Variants in ETV7 observed in about 807,000 individuals in gnomAD.
The protein encoded by ETV7 is transcription factor ETV7.
ETV7 carries 43 observed loss-of-function variants against 39.1 expected under a neutral mutation model. The ratio of observed to expected loss-of-function variants is 1.10; its 90% CI spans 0.86 to 1.42. The LOEUF (loss-of-function observed/expected upper bound fraction) is 1.42, where lower values mean the gene tolerates loss of function less well. Ranked by LOEUF, ETV7 falls within the 40% of genes most tolerant of loss-of-function variation. The pLI is 0.00. For synonymous variants in ETV7, 196 were observed against 176.6 expected (o/e 1.11, Z -0.87); for missense variants, 432 against 442.3 (o/e 0.98, Z 0.21).
intron 7 of ETV7, chr6:36,354,705 A>AT (rs1772293920): frequency 2.9e-6 from 2 of 690,642 alleles, no homozygotes; most frequent in Admixed American, 4.2e-5. Flanking sequence ...AAAAAAAAAA[A>AT]GCAGTTGGAA....
rs1489983172 is a variant in ETV7, at chr6:36,387,565, C to T, written c.-24G>A. On this transcript the variant is annotated 5_prime_UTR_variant, in exon 1 of 8. In the 5' UTR this introduces an upstream ATG that the reference lacks. Transcript: ENST00000340181. ...ATTACAGGTGGAGGTGAGGAAGCCA[C>T]CGGCTTTCTGTCTTGAGCGCTCCCC... 15 of 1,613,832 alleles carry T rather than the reference C, an allele frequency of 9.3e-6. No homozygotes were observed. Among genetic ancestry groups the T allele is most frequent in the East Asian group, 2.2e-5 (1 of 44,904 alleles).
At chr6:36,364,583 G>A (rs892353271), downstream of ETV7, among the ~76,000 whole-genome samples, 3 of 152,224 alleles carry the variant, frequency 2.0e-5, no homozygotes, top group South Asian at 4.1e-4. Context: ...CAAGCGCCGC[G>A]CACAGCCCCA....
At chr6:36,359,626 A>T (rs1256812636) in intron 7 of ETV7, among the ~76,000 whole-genome samples, 1 of 152,156 alleles carries the variant, frequency 6.6e-6, no homozygotes, top group Non-Finnish European at 1.5e-5. Flanking sequence ...ATTTTCCTTC[A>T]TAGTACATAT....
chr6:36,364,959 G>A (rs770228065), downstream of ETV7, among the ~76,000 whole-genome samples: 1 of 152,168 alleles, frequency 6.6e-6, no homozygotes, highest in African/African-American at 2.4e-5. Context: ...TCCCAGATAG[G>A]ACTAAGCCTG....
downstream of ETV7, among the ~76,000 whole-genome samples, chr6:36,363,537 A>C (rs1772602201): frequency 6.6e-6 from 1 of 152,242 alleles, no homozygotes; most frequent in African/African-American, 2.4e-5. Context: ...CTTCGCACTA[A>C]GCGTTACAGC....
At chr6:36,385,501 A>G in intron 2 of ETV7, 33 bp downstream of exon 2, 1 of 1,613,980 alleles carries the variant, frequency 6.2e-7, no homozygotes, top group Non-Finnish European at 8.5e-7. Context: ...ATTTACTTTT[A>G]AAAACTCAGC....
chr6:36,380,849 C>T (rs1407009472), intron 2 of ETV7, among the ~76,000 whole-genome samples: 2 of 152,148 alleles, frequency 1.3e-5, no homozygotes, highest in African/African-American at 4.8e-5. Context: ...GGCCTCCTTG[C>T]CTGCCCCTTC....
chr6:36,373,483 G>A lies in ETV7; in HGVS notation c.403C>T (p.Pro135Ser), dbSNP rs1773142603. The A allele has an allele frequency of 6.3e-7, 1 of 1,582,184 alleles. No homozygotes were observed. Among genetic ancestry groups the A allele is most frequent in the Non-Finnish European group, 8.6e-7 (1 of 1,165,984 alleles). Residue 135 changes from proline (P) to serine (S), a missense_variant, in exon 4 of 8, where the codon CCC becomes TCC. Physicochemically the swap from Pro to Ser is moderately conservative, Grantham distance 74. Coordinates refer to ENST00000340181, the MANE Select transcript of ETV7 (RefSeq NM_016135.4). ...GGGGGGACTGGAGAGTGCTGGGTGGGCGTCTTCAGCCTGAAGATCCCTCCA... is the reference window on the plus strand; with the variant it reads ...GGGGGGACTGGAGAGTGCTGGGTGGACGTCTTCAGCCTGAAGATCCCTCCA... Reference protein sequence around the residue: ...FFGGIFRLKTPTQHSPVPPEE... With the variant: ...FFGGIFRLKTSTQHSPVPPEE...
chr6:36,360,237 G>C (rs1772452068), intron 7 of ETV7, among the ~76,000 whole-genome samples: 1 of 152,208 alleles, frequency 6.6e-6, no homozygotes, highest in Non-Finnish European at 1.5e-5. Context: ...GGTGAGGGTA[G>C]AGAGGCTCTG....
At chr6:36,384,205 G>A (rs1165852010) in intron 2 of ETV7, among the ~76,000 whole-genome samples, 1 of 152,142 alleles carries the variant, frequency 6.6e-6, no homozygotes, top group East Asian at 1.9e-4. Flanking sequence ...TGCTCCTGGG[G>A]AAATCTAACC....
At chr6:36,363,352 C>A (rs1364591378), downstream of ETV7, among the ~76,000 whole-genome samples, 2 of 151,688 alleles carry the variant, frequency 1.3e-5, no homozygotes, top group African/African-American at 4.8e-5. Flanking sequence ...GCCCTTAAGG[C>A]ACCGCGTCTG....
chr6:36,366,167 G>A, downstream of ETV7: 2 of 999,784 alleles, frequency 2.0e-6, no homozygotes. Flanking sequence ...GCGCAAGACT[G>A]TCTCAAAAAA....
downstream of ETV7, among the ~76,000 whole-genome samples, chr6:36,362,528 T>C (rs146910518): frequency 8.5e-5 from 13 of 152,320 alleles, no homozygotes; most frequent in African/African-American, 2.9e-4. Context: ...TTCAGGACTT[T>C]AATTGTATGA....
At chr6:36,357,874 T>C (rs938531439) in intron 7 of ETV7, among the ~76,000 whole-genome samples, 2 of 151,242 alleles carry the variant, frequency 1.3e-5, no homozygotes, top group African/African-American at 2.4e-5. Flanking sequence ...TGAGATTCTG[T>C]CTCAAAAACA....
chr6:36,385,394 A>T, intron 2 of ETV7, 140 bp downstream of exon 2: 1 of 982,914 alleles, frequency 1.0e-6, no homozygotes, highest in Non-Finnish European at 1.5e-6. Context: ...TGAACCCAGG[A>T]GCTGGAAGTT....
chr6:36,382,877 C>G (rs1208883782), intron 2 of ETV7, among the ~76,000 whole-genome samples: 1 of 152,162 alleles, frequency 6.6e-6, no homozygotes, highest in Non-Finnish European at 1.5e-5. Flanking sequence ...GGAATAAGCT[C>G]CAGGGAAAAG....
At chr6:36,354,756 G>T in intron 7 of ETV7, 1 of 665,598 alleles carries the variant, frequency 1.5e-6, no homozygotes, top group South Asian at 1.7e-5. Flanking sequence ...CCAATTTAGG[G>T]AGTATTGCCA....
downstream of ETV7, among the ~76,000 whole-genome samples, chr6:36,364,350 A>G (rs1246112157): frequency 2.6e-5 from 4 of 152,336 alleles, no homozygotes; most frequent in East Asian, 1.9e-4. Flanking sequence ...CAGGCATGGC[A>G]GGCTGCAGGT....
chr6:36,360,563 C>T (rs1355220711), intron 7 of ETV7, among the ~76,000 whole-genome samples: 1 of 152,156 alleles, frequency 6.6e-6, no homozygotes, highest in Non-Finnish European at 1.5e-5. Context: ...ACAGAGCATG[C>T]CTGAGCTGGA....
Sources: allele counts gnomAD v4.1 joint callset (sites outside exome capture counted in the v4.1 genomes callset), GRCh38; gene constraint gnomAD v4.1.1; transcripts MANE v1.5; gene names NCBI Gene and HGNC (gene_info 2026-07-23, HGNC 2026-07-21).